LRP6: variants seen among roughly 807,000 people sequenced by gnomAD.
LRP6 encodes LDL receptor related protein 6.
LRP6 carries 43 observed loss-of-function variants against 184.1 expected under a neutral mutation model. The ratio of observed to expected loss-of-function variants is 0.23; its 90% confidence interval spans 0.18 to 0.30. The LOEUF is 0.30. Ranked by LOEUF, LRP6 falls within the 10% of genes least tolerant of loss-of-function variation. The pLI is 1.00. For synonymous variants in LRP6, 719 were observed against 684.9 expected (o/e 1.05, Z -0.78); for missense variants, 1,571 against 2,005.3 (o/e 0.78, Z 4.14).
intron 15 of LRP6, among the ~76,000 whole-genome samples, chr12:12,139,408 A>C (rs1949897430): frequency 6.6e-6 from 1 of 152,126 alleles, no homozygotes; most frequent in Admixed American, 6.6e-5. Flanking sequence ...TTCTCTCCTA[A>C]AACTCTACTA....
At chr12:12,164,919 TAAAAA>T (rs58540250) in intron 8 of LRP6, among the ~76,000 whole-genome samples, 155 bp downstream of exon 8, 36 of 57,090 alleles carry the variant, frequency 6.3e-4, no homozygotes, top group Non-Finnish European at 1.0e-3. Flanking sequence ...CCCTTCTCAG[TAAAAA>T]AAAAAAAAAA....
Position 12,159,833 on chromosome 12 carries a change from C to T in LRP6, c.2411G>A (p.Arg804Lys), listed in dbSNP as rs1862696897. 6 of 1,614,078 alleles carry T rather than the reference C, an allele frequency of 3.7e-6. No homozygotes were observed. The highest frequency in any genetic ancestry group is 5.1e-6 in the Non-Finnish European group (6 of 1,180,006). The change falls in exon 11 of 23, where the codon AGG becomes AAG. Residue 804 changes from arginine (R) to lysine (K), a missense_variant. Arg to Lys is a conservative substitution (Grantham distance 26). Around this residue, in one of 4 missense-constraint regions of LRP6, gnomAD observed 158 missense variants for 258.4 expected, o/e 0.61. Transcript: ENST00000261349. ...GGTGTCCAGGTCTGTCCAATAAAGC[C>T]TCCTTTTAGCATAATCAATAGTTAG... ...NGLTIDYAKR[R>K]LYWTDLDTNL...
chr12:12,198,843 A>C (rs1863840177), intron 3 of LRP6, among the ~76,000 whole-genome samples: 1 of 151,914 alleles, frequency 6.6e-6, no homozygotes, highest in Non-Finnish European at 1.5e-5. Context: ...TTCTAATCTT[A>C]TGTTATCCTT....
chr12:12,134,484 A>G (rs1949804485), intron 17 of LRP6, among the ~76,000 whole-genome samples: 2 of 152,212 alleles, frequency 1.3e-5, no homozygotes, highest in African/African-American at 4.8e-5. Flanking sequence ...ATAATTTAAC[A>G]ATGGAATGTA....
intron 11 of LRP6, 113 bp downstream of exon 11, chr12:12,159,667 A>G: frequency 1.0e-6 from 1 of 963,258 alleles, no homozygotes; most frequent in Non-Finnish European, 1.6e-6. Context: ...CAGAAGAAGA[A>G]TGGACACATT....
In LRP6 at chr12:12,159,964, T is replaced by C; in HGVS notation, c.2280A>G (p.Gly760=). 3 of 1,596,704 alleles carry C rather than the reference T, an allele frequency of 1.9e-6. No individual in the cohort carries two copies. The highest frequency in any genetic ancestry group is 2.6e-6 in the Non-Finnish European group (3 of 1,169,964). The change falls in exon 11 of 23, where the codon GGA becomes GGG. Residue 760 remains glycine (G), a splice_region_variant and synonymous_variant. Transcript: ENST00000261349. ...PRALALDPAE[G]FMYWTEWGGK... ...CACCCCATTCAGTCCAATACATAAA[T>C]CTAAATTCAAAATAATAAATATTTA...
At chr12:12,126,472 T>C (rs1015802516) in intron 20 of LRP6, among the ~76,000 whole-genome samples, 1 of 152,220 alleles carries the variant, frequency 6.6e-6, no homozygotes, top group South Asian at 2.1e-4. Flanking sequence ...GCATATGTAT[T>C]TGCTTTATAT....
At chr12:12,260,678 C>T (rs1865592614) in intron 1 of LRP6, among the ~76,000 whole-genome samples, 1 of 152,146 alleles carries the variant, frequency 6.6e-6, no homozygotes, top group South Asian at 2.1e-4. Context: ...TACCCCTTTA[C>T]AAACATTTCG....
chr12:12,228,881 G>C (rs1031637684), intron 2 of LRP6, among the ~76,000 whole-genome samples: 1 of 152,144 alleles, frequency 6.6e-6, no homozygotes, highest in Non-Finnish European at 1.5e-5. Flanking sequence ...AATGGCAATA[G>C]GCCCCAGCGA....
intron 9 of LRP6, among the ~76,000 whole-genome samples, chr12:12,162,954 C>T (rs1181014753): frequency 3.3e-5 from 5 of 152,074 alleles, no homozygotes; most frequent in African/African-American, 1.2e-4. Flanking sequence ...CTTAATACAA[C>T]AGTCCTGCAA....
In LRP6 at chr12:12,171,244, C is replaced by T. The variant is rs546375762; in HGVS notation, c.1546-5949G>A. On this transcript the variant is annotated intron_variant, in intron 7 of 22. Transcript: ENST00000261349. ...AATAAATGCTATTATTGGCCGAGCG[C>T]GGTGGCTCACGCCTGTAATCCCAGC... Among the ~76,000 whole-genome samples the T allele has an allele frequency of 4.2e-4, 64 of 152,254 alleles. No homozygotes were observed. The South Asian group carries it at 6.2e-3, about 15-fold the overall frequency.
chr12:12,135,135 T>A, intron 17 of LRP6, 40 bp downstream of exon 17: 1 of 1,613,072 alleles, frequency 6.2e-7, no homozygotes, highest in Non-Finnish European at 8.5e-7. Flanking sequence ...TGGAATATGT[T>A]TGCATTTAGG....
intron 15 of LRP6, among the ~76,000 whole-genome samples, chr12:12,139,153 T>C (rs550023407): frequency 1.3e-5 from 2 of 152,330 alleles, no homozygotes; most frequent in South Asian, 4.1e-4. Flanking sequence ...AAAAATATAC[T>C]CATTCCTTCT....
In LRP6 at chr12:12,123,033, A is replaced by G. The variant is rs145956989; in HGVS notation, c.4547+1532T>C. On this transcript the variant is annotated intron_variant, in intron 22 of 22. Transcript: ENST00000261349. ...AACATTTAAAAGTCCAAATACTTCTATTTTCATGAAAAAAAAAAAAGAAAA... is the reference window on the plus strand; with the variant it reads ...AACATTTAAAAGTCCAAATACTTCTGTTTTCATGAAAAAAAAAAAAGAAAA... Among the ~76,000 whole-genome samples the G allele has an allele frequency of 7.1e-3, 1,063 of 148,978 alleles. 11 individuals carry two copies. Among genetic ancestry groups the G allele is most frequent in the Non-Finnish European group, 0.01 (704 of 67,332 alleles).
At chr12:12,159,223 T>C in intron 11 of LRP6, 68 bp from the exon 12 acceptor site, 1 of 1,222,216 alleles carries the variant, frequency 8.2e-7, no homozygotes, top group Non-Finnish European at 1.2e-6. Context: ...ACAAGTGTCT[T>C]GCTGGCAAAA....
intron 2 of LRP6, among the ~76,000 whole-genome samples, chr12:12,228,467 T>G (rs938376690): frequency 2.6e-4 from 39 of 152,074 alleles, no homozygotes; most frequent in African/African-American, 9.4e-4. Flanking sequence ...GCAGAATGAG[T>G]CTTTAGTCTC....
intron 9 of LRP6, among the ~76,000 whole-genome samples, chr12:12,163,780 G>A (rs1053027507): frequency 2.5e-4 from 38 of 152,306 alleles, no homozygotes; most frequent in Non-Finnish European, 4.1e-4. Context: ...CTCTGGCAAA[G>A]TATCTGTATT....
intron 12 of LRP6, among the ~76,000 whole-genome samples, chr12:12,151,353 G>A (rs770545085): frequency 2.6e-5 from 4 of 151,880 alleles, no homozygotes; most frequent in Admixed American, 2.6e-4. Context: ...AAATTCTCCT[G>A]GTCTACCAAG....
chr12:12,225,893 G>T (rs1319088847), intron 2 of LRP6, among the ~76,000 whole-genome samples: 1 of 151,344 alleles, frequency 6.6e-6, no homozygotes, highest in African/African-American at 2.4e-5. Flanking sequence ...AAAAGAGAGA[G>T]ACCTGAGAAA....
Sources: allele counts gnomAD v4.1 joint callset (sites outside exome capture counted in the v4.1 genomes callset), GRCh38; gene constraint gnomAD v4.1.1; regional missense constraint gnomAD v4.1.1; transcripts MANE v1.5; gene names NCBI Gene and HGNC (gene_info 2026-07-23, HGNC 2026-07-21).